The following AVEN variants were observed in gnomAD, a reference collection of about 807,000 sequenced individuals.
AVEN encodes the protein cell death regulator Aven.
In AVEN, 41 loss-of-function variants were observed where a neutral mutation model predicts 38.1. That is an observed-to-expected ratio of 1.08 (90% CI 0.84 to 1.40). The LOEUF (loss-of-function observed/expected upper bound fraction) is 1.40, where lower values mean the gene tolerates loss of function less well. AVEN is among the 40% of genes most tolerant of loss of function. The pLI is 0.00. For synonymous variants in AVEN, 206 were observed against 171.8 expected (o/e 1.20, Z -1.56); for missense variants, 605 against 438.8 (o/e 1.38, Z -3.38).
the AVEN span, among the ~76,000 whole-genome samples, chr15:33,853,402 C>G: frequency 1.3e-5 from 2 of 152,126 alleles, no homozygotes; most frequent in East Asian, 3.8e-4. Context: ...GCTTTTTTCT[C>G]TGGGTTTTCT....
chr15:33,869,484 T>A (rs375276024), intron 4 of AVEN, among the ~76,000 whole-genome samples: 5 of 152,146 alleles, frequency 3.3e-5, no homozygotes, highest in African/African-American at 9.7e-5. Flanking sequence ...TCATATGAGA[T>A]CAAGCCAAGC....
At chr15:34,062,584 A>G (rs1900376842) in intron 5 of AVEN, 5 of 813,508 alleles carry the variant, frequency 6.1e-6, no homozygotes, top group Middle Eastern at 2.3e-4. Flanking sequence ...ACTATAAACA[A>G]TGGATGGACA....
intron 2 of AVEN, among the ~76,000 whole-genome samples, chr15:33,878,130 C>T (rs75058736): frequency 0.016 from 2,405 of 152,162 alleles, 30 homozygotes; most frequent in South Asian, 0.041. Flanking sequence ...ACCAATTTCA[C>T]CTAATGAAGT....
intron 2 of AVEN, among the ~76,000 whole-genome samples, chr15:33,988,933 C>T (rs1286400369): frequency 6.6e-6 from 1 of 152,186 alleles, no homozygotes; most frequent in African/African-American, 2.4e-5. Flanking sequence ...ATCTAAATCC[C>T]CTGTATTTTA....
At chr15:33,855,848 T>C (rs531438025), downstream of AVEN, 10 of 152,206 alleles carry the variant, frequency 6.6e-5, no homozygotes, top group Non-Finnish European at 1.5e-4. Flanking sequence ...GCTATAACCA[T>C]ATTAAAATCT....
intron 3 of AVEN, among the ~76,000 whole-genome samples, chr15:33,874,904 T>C (rs1891154670): frequency 6.6e-6 from 1 of 152,228 alleles, no homozygotes; most frequent in Admixed American, 6.5e-5. Flanking sequence ...CAACAATCTA[T>C]CTTCGATGTG....
intron 2 of AVEN, among the ~76,000 whole-genome samples, chr15:33,965,472 T>C (rs1399526362): frequency 1.3e-5 from 2 of 152,152 alleles, no homozygotes; most frequent in Non-Finnish European, 2.9e-5. Flanking sequence ...TTTATAAAAG[T>C]ATTTATAATT....
chr15:33,860,043 T>A (rs1018377909), intron 11 of AVEN, among the ~76,000 whole-genome samples: 2 of 152,194 alleles, frequency 1.3e-5, no homozygotes, highest in Non-Finnish European at 2.9e-5. Flanking sequence ...CCTCTTCATT[T>A]TCTTCCCAGA....
chr15:33,862,857 T>G (rs976624302), downstream of AVEN, among the ~76,000 whole-genome samples: 17 of 152,346 alleles, frequency 1.1e-4, no homozygotes, highest in African/African-American at 4.1e-4. Flanking sequence ...GTGATCCACC[T>G]GCCTTGGCCT....
intron 3 of AVEN, among the ~76,000 whole-genome samples, chr15:33,873,093 T>TC (rs1355104439): frequency 7.5e-6 from 1 of 132,886 alleles, no homozygotes; most frequent in Non-Finnish European, 1.6e-5. Flanking sequence ...CTTTTCCTTT[T>TC]CTTTTTTTTT....
At chr15:33,859,821 A>G in intron 11 of AVEN, 1 of 1,326,346 alleles carries the variant, frequency 7.5e-7, no homozygotes, top group Non-Finnish European at 1.0e-6. Context: ...TTTATGAAGA[A>G]GCGTGTGAAT....
chr15:33,967,220 A>G (rs931851631), intron 2 of AVEN, among the ~76,000 whole-genome samples: 13 of 152,128 alleles, frequency 8.5e-5, no homozygotes, highest in Admixed American at 4.6e-4. Flanking sequence ...TTTCTCATAC[A>G]TGTTCATCTG....
chr15:33,877,558 C>T (rs28477094), intron 2 of AVEN, among the ~76,000 whole-genome samples: 6,089 of 152,256 alleles, frequency 0.04, 388 homozygotes, highest in African/African-American at 0.14. Flanking sequence ...CTCACGCCTA[C>T]AATCCCAGCA....
At chr15:33,973,830 A>G (rs917196635) in intron 2 of AVEN, among the ~76,000 whole-genome samples, 3 of 152,244 alleles carry the variant, frequency 2.0e-5, no homozygotes, top group Non-Finnish European at 4.4e-5. Context: ...CTAGTTAATC[A>G]GCAGATGTGT....
intron 1 of AVEN, among the ~76,000 whole-genome samples, chr15:34,071,732 C>T (rs1900630483): frequency 6.6e-6 from 1 of 152,120 alleles, no homozygotes; most frequent in African/African-American, 2.4e-5. Flanking sequence ...AAACACCAGG[C>T]TGGAAAACAG....
At chr15:34,028,586 C>A (rs572537650) in intron 1 of AVEN, among the ~76,000 whole-genome samples, 2 of 152,100 alleles carry the variant, frequency 1.3e-5, no homozygotes, top group East Asian at 3.9e-4. Context: ...ACAACAACAA[C>A]AAAAAAGAAG....
upstream of AVEN, among the ~76,000 whole-genome samples, chr15:34,043,682 T>C (rs951782369): frequency 1.3e-5 from 2 of 152,192 alleles, no homozygotes; most frequent in East Asian, 3.8e-4. Flanking sequence ...GCTGGAGTCA[T>C]GATTAGAGAA....
At chr15:33,961,868 A>T (rs1895203962) in intron 2 of AVEN, among the ~76,000 whole-genome samples, 1 of 149,814 alleles carries the variant, frequency 6.7e-6, no homozygotes, top group Non-Finnish European at 1.5e-5. Context: ...ATCTGAGGAG[A>T]GTGTGTTCCT....
At chr15:33,862,801 G>A (rs1218517131), downstream of AVEN, among the ~76,000 whole-genome samples, 3 of 152,124 alleles carry the variant, frequency 2.0e-5, no homozygotes, top group Admixed American at 2.0e-4. Flanking sequence ...AGTAGAGACA[G>A]GGTTTCACCG....
Sources: allele counts gnomAD v4.1 joint callset (sites outside exome capture counted in the v4.1 genomes callset), GRCh38; gene constraint gnomAD v4.1.1; transcripts MANE v1.5; gene names NCBI Gene and HGNC (gene_info 2026-07-23, HGNC 2026-07-21).